Variants in SV2B observed in about 807,000 individuals in gnomAD.
SV2B encodes synaptic vesicle glycoprotein 2B.
SV2B carries 41 observed loss-of-function variants against 73.9 expected under a neutral mutation model. The ratio of observed to expected loss-of-function variants is 0.56; its 90% CI spans 0.43 to 0.72. The LOEUF (loss-of-function observed/expected upper bound fraction) is 0.72. SV2B is among the 30% of genes least tolerant of loss of function. The probability of loss-of-function intolerance (pLI) is 0.00; values close to 1 mark genes in which losing one functional copy is unlikely to be tolerated. For synonymous variants in SV2B, 314 were observed against 314.2 expected (o/e 1.00, Z 0.01); for missense variants, 764 against 857.8 (o/e 0.89, Z 1.37).
At chr15:91,185,974 C>T (rs944687401) in intron 1 of SV2B, among the ~76,000 whole-genome samples, 5 of 152,190 alleles carry the variant, frequency 3.3e-5, no homozygotes, top group East Asian at 1.9e-4. Flanking sequence ...GATGGGCTCT[C>T]GTTTGTCCCA....
rs2042340676 is a variant in SV2B, at chr15:91,121,720, C to G, written c.-392+21357C>G. 6.6e-6 allele frequency among the ~76,000 whole-genome samples: 1 copy of G among 151,906 alleles called. No homozygotes were observed. The highest frequency in any genetic ancestry group is 2.1e-4 in the South Asian group (1 of 4,822). ...TGCCCAGGGAATTAATTCCTTTACA[C>G]CACTCCTTTCCCCTTCGCGCTCACC... On this transcript the variant is annotated intron_variant, in intron 1 of 12. Coordinates refer to ENST00000394232, the MANE Select transcript of SV2B (RefSeq NM_001323032.3). The surrounding 1 kb of genome is among the most constrained non-coding windows in gnomAD (Gnocchi z 4.4).
chr15:91,260,368 A>G lies in SV2B; in HGVS notation c.967A>G (p.Thr323Ala), dbSNP rs141421187. 1.9e-4 allele frequency: 304 copies of G among 1,613,604 alleles called. No homozygotes were observed. Among genetic ancestry groups the G allele is most frequent in the Non-Finnish European group, 2.2e-4 (255 of 1,179,864 alleles). ...AWMILKQVHD[T>A]NMRAKGTPEK... Reference sequence around the variant, plus strand: ...GATGATTCTCAAGCAAGTCCATGACACCAACATGAGAGCTAAGGGGACCCC... The same window carrying G: ...GATGATTCTCAAGCAAGTCCATGACGCCAACATGAGAGCTAAGGGGACCCC... The change falls in exon 6 of 13, where the codon ACC becomes GCC. Residue 323 changes from threonine (T) to alanine (A), a missense_variant. Transcript: ENST00000394232.
rs555505197 is a variant in SV2B at position 91,126,154 on chromosome 15, C to A, written c.-392+25791C>A. On this transcript the variant is annotated intron_variant, in intron 1 of 12. Coordinates refer to ENST00000394232, the MANE Select transcript of SV2B (RefSeq NM_001323032.3). The stretch of plus-strand genomic sequence containing the variant: ...TCCAAATACCACCTAAGAAAGACAG[C>A]ATCTAGCTAACAAATTCAGGTATGA... 1.8e-4 allele frequency among the ~76,000 whole-genome samples: 28 copies of A among 152,312 alleles called. No homozygotes were observed. In the South Asian group the frequency reaches 5.8e-3, roughly 32 times the overall value.
At chr15:91,126,444 GGA>G (rs2042484326) in intron 1 of SV2B, among the ~76,000 whole-genome samples, 1 of 152,200 alleles carries the variant, frequency 6.6e-6, no homozygotes, top group African/African-American at 2.4e-5. Context: ...GATAATAGTG[GGA>G]GAGAGACCTG....
chr15:91,131,134 A>G, intron 1 of SV2B, among the ~76,000 whole-genome samples: 1 of 145,854 alleles, frequency 6.9e-6, no homozygotes, highest in African/African-American at 2.5e-5. Flanking sequence ...ATTCAGGGAA[A>G]AGATGTTTTC....
chr15:91,238,487 G>T (rs992753994), intron 2 of SV2B, among the ~76,000 whole-genome samples: 6 of 152,196 alleles, frequency 3.9e-5, no homozygotes, highest in African/African-American at 1.2e-4. Flanking sequence ...TCCCACCCCT[G>T]GAAGACTTTT....
chr15:91,164,034 T>G lies in SV2B; in HGVS notation c.-391-61839T>G, dbSNP rs562354693. ...ATTAAATAGGGAATCCTTACCCCAT[T>G]TCTTGTTTTTATCAGGTTTGTCAAA... On this transcript the variant is annotated intron_variant, in intron 1 of 12. Coordinates refer to ENST00000394232, the MANE Select transcript of SV2B (RefSeq NM_001323032.3). Among the ~76,000 whole-genome samples, 50 of 152,292 alleles carry G rather than the reference T, an allele frequency of 3.3e-4. 2 individuals are homozygous for G. The South Asian group carries it at 0.01, about 31-fold the overall frequency.
At chr15:91,111,522 G>T (rs1347550017) in intron 1 of SV2B, among the ~76,000 whole-genome samples, 1 of 152,204 alleles carries the variant, frequency 6.6e-6, no homozygotes, top group Non-Finnish European at 1.5e-5. Context: ...AAGACGGGGG[G>T]CCAGGCAAAG....
chr15:91,170,250 C>T (rs1051062340), intron 1 of SV2B, among the ~76,000 whole-genome samples: 1 of 152,058 alleles, frequency 6.6e-6, no homozygotes, highest in Non-Finnish European at 1.5e-5. Context: ...TAGATTACCT[C>T]CGCAGTCTTA....
intron 1 of SV2B, among the ~76,000 whole-genome samples, chr15:91,151,330 G>A (rs1439610497): frequency 6.6e-6 from 1 of 152,160 alleles, no homozygotes; most frequent in East Asian, 1.9e-4. Context: ...TTATAATTTG[G>A]TCATAATATC....
In SV2B at chr15:91,226,720, T is replaced by C; in HGVS notation, c.451+6T>C. On this transcript the variant is annotated splice_donor_region_variant and intron_variant, in intron 2 of 12. Coordinates refer to ENST00000394232, the MANE Select transcript of SV2B (RefSeq NM_001323032.3). ...TTCCAAAAAAGGAATGCTAGGTAAG[T>C]GGAAATTTCCAATGATCCCTCCAAT... The C allele has an allele frequency of 6.3e-7, 1 of 1,598,950 alleles. No homozygotes were observed.
chr15:91,115,259 A>G lies in SV2B; in HGVS notation c.-392+14896A>G, dbSNP rs1376471783. 6.6e-6 allele frequency among the ~76,000 whole-genome samples: 1 copy of G among 152,242 alleles called. No individual in the cohort carries two copies. Among genetic ancestry groups the G allele is most frequent in the Non-Finnish European group, 1.5e-5 (1 of 68,024 alleles). On this transcript the variant is annotated intron_variant, in intron 1 of 12. Coordinates refer to ENST00000394232, the MANE Select transcript of SV2B (RefSeq NM_001323032.3). This position sits in a 1 kb window ranked among gnomAD's most constrained non-coding sequence, Gnocchi z 4.3. ...CATGGGTCCTGAGCAGGCGAAACCC[A>G]CAGACGTCCACCACACACACTGAGC...
Position 91,178,247 on chromosome 15 carries a change from T to G in SV2B, c.-391-47626T>G, listed in dbSNP as rs911231180. ...TTGCATCCCAGGGATGAAGCCCACT[T>G]GATCATGGTGGATAAGCTTTTTGAT... is the stretch of plus-strand genomic sequence containing the variant. On this transcript the variant is annotated intron_variant, in intron 1 of 12. Coordinates refer to ENST00000394232, the MANE Select transcript of SV2B (RefSeq NM_001323032.3). Among the ~76,000 whole-genome samples the G allele has an allele frequency of 2.6e-5, 4 of 151,612 alleles. No individual in the cohort carries two copies. In the South Asian group the frequency reaches 6.3e-4, roughly 24 times the overall value.
chr15:91,201,424 A>C (rs2045456979), intron 1 of SV2B, among the ~76,000 whole-genome samples: 1 of 152,254 alleles, frequency 6.6e-6, no homozygotes, highest in South Asian at 2.1e-4. Flanking sequence ...TGAAGCCCAG[A>C]GAAGTACAGT....
chr15:91,166,543 G>T (rs2043917357), intron 1 of SV2B, among the ~76,000 whole-genome samples: 1 of 151,754 alleles, frequency 6.6e-6, no homozygotes, highest in Non-Finnish European at 1.5e-5. Flanking sequence ...AATTTTTTCA[G>T]CACCTATCTT....
chr15:91,198,132 C>A (rs1465371804), intron 1 of SV2B, among the ~76,000 whole-genome samples: 3 of 152,054 alleles, frequency 2.0e-5, no homozygotes, highest in East Asian at 3.8e-4. Flanking sequence ...AAGAAAGGAG[C>A]CAGATGAAAA....
intron 9 of SV2B, among the ~76,000 whole-genome samples, chr15:91,271,231 G>A (rs1473444897): frequency 2.0e-5 from 3 of 151,080 alleles, no homozygotes; most frequent in Admixed American, 1.3e-4. Context: ...GCCTCTCCCC[G>A]CCCCACGGGG....
At chr15:91,116,858 T>A (rs1389262225) in intron 1 of SV2B, among the ~76,000 whole-genome samples, 1 of 152,208 alleles carries the variant, frequency 6.6e-6, no homozygotes, top group African/African-American at 2.4e-5. Context: ...CAAAGGCATG[T>A]CTTACATGGC....
intron 1 of SV2B, among the ~76,000 whole-genome samples, chr15:91,127,339 GGGCAGAGGCCA>G (rs2042514592): frequency 6.6e-6 from 1 of 152,004 alleles, no homozygotes; most frequent in Non-Finnish European, 1.5e-5. Flanking sequence ...TCTAATTAAC[GGGCAGAGGCCA>G]GGCTGGAAAC....
Sources: gnomAD v4.1 joint callset for allele counts (sites outside exome capture counted in the v4.1 genomes callset) on GRCh38, gnomAD v4.1.1 for gene constraint, Gnocchi (gnomAD v3.1) non-coding constraint, MANE v1.5 for transcripts, NCBI Gene and HGNC (gene_info 2026-07-23, HGNC 2026-07-21) for gene names.